TLE1: variants seen among roughly 807,000 people sequenced by gnomAD.
The protein encoded by TLE1 is TLE family member 1, transcriptional corepressor, also known as transducin-like enhancer protein 1.
TLE1 carries 21 observed loss-of-function variants against 89.8 expected under a neutral mutation model. The observed-to-expected ratio is 0.23, with a 90% CI of 0.17 to 0.34. The LOEUF (loss-of-function observed/expected upper bound fraction) is 0.34, where lower values mean the gene tolerates loss of function less well. Among genes scored for constraint, TLE1 ranks in the 10% least tolerant of loss-of-function variants. The pLI is 1.00. For synonymous variants in TLE1, 447 were observed against 407.6 expected, an observed-to-expected ratio of 1.10 and a Z score of -1.16; for missense variants, 795 against 1,031.2, an observed-to-expected ratio of 0.77 and a Z score of 3.14.
chr9:81,612,171 A>C (rs1232743112), intron 12 of TLE1: 4 of 643,500 alleles, frequency 6.2e-6, no homozygotes, highest in African/African-American at 3.8e-5. Context: ...ACTCCAGGGG[A>C]AGCACAACCC....
rs577666953 is a variant in TLE1 at position 81,677,489 on chromosome 9, C to T, written c.234+8187G>A. Among the ~76,000 whole-genome samples the T allele has an allele frequency of 5.5e-4, 78 of 143,062 alleles. 1 individual carries two copies. In the South Asian group the frequency reaches 0.018, roughly 34 times the overall value. The allele number at this position is 143,062 out of a possible 152,430, so 93.9% of individuals were successfully genotyped here. The stretch of plus-strand genomic sequence containing the variant: ...CTGAGGCAGGAAAATGGTGTGAACC[C>T]GGGAGGCGGAGCTTGCAGTGAGCTG... On this transcript the variant is annotated intron_variant, in intron 4 of 19. Transcript: ENST00000376499.
chr9:81,607,073 A>AAG (rs1831784512), intron 14 of TLE1, among the ~76,000 whole-genome samples: 1 of 151,410 alleles, frequency 6.6e-6, no homozygotes, highest in South Asian at 2.1e-4. Context: ...AAAAAAAAAA[A>AAG]AATGGAGAGA....
rs1011589064 is a variant in TLE1, at chr9:81,659,068, C to G, written c.235-5032G>C. Among the ~76,000 whole-genome samples the G allele has an allele frequency of 2.0e-5, 3 of 152,130 alleles. No homozygotes were observed. The South Asian group carries it at 6.2e-4, about 32-fold the overall frequency. ...GGATGACAGGCACGCGCCACCACACCTGGCTAATTTTTCTATTTTTAGTAG... is the reference window on the plus strand; with the variant it reads ...GGATGACAGGCACGCGCCACCACACGTGGCTAATTTTTCTATTTTTAGTAG... On this transcript the variant is annotated intron_variant, in intron 4 of 19. Transcript: ENST00000376499.
intron 14 of TLE1, among the ~76,000 whole-genome samples, chr9:81,609,806 T>C (rs563720092): frequency 6.6e-6 from 1 of 152,248 alleles, no homozygotes; most frequent in East Asian, 1.9e-4. Flanking sequence ...AGATGACACA[T>C]TTCAAAAAAG....
chr9:81,677,379 C>T (rs1238561820), intron 4 of TLE1, among the ~76,000 whole-genome samples: 1 of 151,838 alleles, frequency 6.6e-6, no homozygotes, highest in East Asian at 1.9e-4. Context: ...TCCTGGCTAA[C>T]ATGATGAAAT....
At chr9:81,668,460 C>T (rs894633214) in intron 4 of TLE1, among the ~76,000 whole-genome samples, 5 of 152,054 alleles carry the variant, frequency 3.3e-5, no homozygotes, top group Non-Finnish European at 7.4e-5. Context: ...AATATTGACT[C>T]ACCCATGCAT....
chr9:81,677,865 T>C (rs567347330), intron 4 of TLE1, among the ~76,000 whole-genome samples: 2 of 152,328 alleles, frequency 1.3e-5, no homozygotes, highest in African/African-American at 2.4e-5. Context: ...GCAAGCTACA[T>C]ATACAACTCT....
At chr9:81,593,711 CAG>C (rs1440375769) in intron 14 of TLE1, among the ~76,000 whole-genome samples, 1 of 152,056 alleles carries the variant, frequency 6.6e-6, no homozygotes, top group Non-Finnish European at 1.5e-5. Flanking sequence ...AATAATTAAA[CAG>C]AGTAGATATA....
At position 81,689,442 on chromosome 9, in the gene TLE1, C is replaced by T. The variant is rs1834751442; in HGVS notation, c.-1202G>A. On this transcript the variant is annotated 5_prime_UTR_variant, in exon 1 of 20. Transcript: ENST00000376499. ...GGTGGGGTGGCGCAGTCGGCTGCCT[C>T]CGGGACGCGGGGCACAGAGTACCCG... is the stretch of plus-strand genomic sequence containing the variant. The T allele has an allele frequency of 6.5e-6, 1 of 153,226 alleles. No individual in the cohort carries two copies. Among genetic ancestry groups the T allele is most frequent in the Non-Finnish European group, 1.5e-5 (1 of 68,224 alleles). 9.5% of individuals were successfully genotyped at this position (153,226 alleles called of 1,614,324 possible).
At position 81,687,277 on chromosome 9, in the gene TLE1, G is replaced by C. The variant is rs958259039; in HGVS notation, c.125+57C>G. The C allele has an allele frequency of 1.4e-5, 20 of 1,464,630 alleles. No individual in the cohort carries two copies. The Admixed American group carries it at 3.2e-4, about 24-fold the overall frequency. The allele number at this position is 1,464,630 out of a possible 1,614,324, so 90.7% of individuals were successfully genotyped here. The stretch of plus-strand genomic sequence containing the variant: ...TACAGGCGCCGCCGCCACCCGGCTG[G>C]GTGCAAGGGGCACCGGGACGCCCGC... On this transcript the variant is annotated intron_variant, in intron 2 of 19. Transcript: ENST00000376499.
At chr9:81,626,047 C>A (rs1345163793) in intron 8 of TLE1, among the ~76,000 whole-genome samples, 3 of 151,972 alleles carry the variant, frequency 2.0e-5, no homozygotes, top group Non-Finnish European at 4.4e-5. Context: ...AACCCTGAAA[C>A]CACCAGCAGC....
intron 4 of TLE1, among the ~76,000 whole-genome samples, chr9:81,659,436 A>AT (rs1285508300): frequency 1.3e-5 from 2 of 152,148 alleles, no homozygotes; most frequent in Non-Finnish European, 2.9e-5. Context: ...CTGTGCCTAG[A>AT]TTTTTTAATA....
chr9:81,637,557 T>A (rs1827547726), intron 6 of TLE1, among the ~76,000 whole-genome samples: 1 of 152,014 alleles, frequency 6.6e-6, no homozygotes, highest in Non-Finnish European at 1.5e-5. Flanking sequence ...TAATCTGACC[T>A]TCTAGGTCCC....
chr9:81,616,510 C>A, intron 10 of TLE1, 136 bp downstream of exon 10: 1 of 799,962 alleles, frequency 1.3e-6, no homozygotes, highest in Non-Finnish European at 2.0e-6. Flanking sequence ...CATGAGCAAC[C>A]ATTAACTTCT....
intron 14 of TLE1, among the ~76,000 whole-genome samples, chr9:81,604,313 G>C (rs548566977): frequency 6.6e-6 from 1 of 152,292 alleles, no homozygotes; most frequent in African/African-American, 2.4e-5. Flanking sequence ...GGAAGTGACA[G>C]GATCTGGATC....
At chr9:81,658,072 G>A (rs570262641) in intron 4 of TLE1, among the ~76,000 whole-genome samples, 11 of 151,624 alleles carry the variant, frequency 7.3e-5, no homozygotes, top group Admixed American at 3.3e-4. Context: ...CACCATGCCC[G>A]GCTAATTTTT....
chr9:81,601,096 G>C (rs1316769561), intron 14 of TLE1, among the ~76,000 whole-genome samples: 2 of 152,130 alleles, frequency 1.3e-5, no homozygotes, highest in East Asian at 3.9e-4. Flanking sequence ...TTTCTCTGGA[G>C]AACCCAGAGT....
At position 81,616,045 on chromosome 9, in the gene TLE1, G is replaced by A. The variant is rs376952071; in HGVS notation, c.855C>T (p.Ser285=). 3.5e-5 allele frequency: 56 copies of A among 1,614,026 alleles called. No individual in the cohort carries two copies. Among genetic ancestry groups the A allele is most frequent in the Non-Finnish European group, 4.3e-5 (51 of 1,180,046 alleles). Residue 285 remains serine (S), a synonymous_variant, in exon 11 of 20, where the codon AGC becomes AGT. Transcript: ENST00000376499. ...KNRLLKKDAS[S]SPASTASSAS... is the part of the protein sequence containing the mutation. ...CCGAGGAGGCCGTGGAAGCTGGACT[G>A]CTAGAAGCATCCTTCTTTAGCAGGC...
intron 10 of TLE1, 94 bp downstream of exon 10, chr9:81,616,552 C>T (rs1420554449): frequency 3.6e-6 from 5 of 1,372,980 alleles, no homozygotes; most frequent in Admixed American, 1.8e-5. Flanking sequence ...GTCCCCCCAC[C>T]GAGGGGCTCT....
Sources: allele counts gnomAD v4.1 joint callset (sites outside exome capture counted in the v4.1 genomes callset), GRCh38; gene constraint gnomAD v4.1.1; transcripts MANE v1.5; gene names NCBI Gene and HGNC (gene_info 2026-07-23, HGNC 2026-07-21).